Variants in NEO1 observed in about 807,000 individuals in gnomAD.
NEO1 encodes the protein neogenin.
NEO1 carries 63 observed loss-of-function variants against 159.7 expected under a neutral mutation model. The observed-to-expected ratio is 0.39, with a 90% confidence interval of 0.32 to 0.49. The LOEUF (loss-of-function observed/expected upper bound fraction) is 0.49, where lower values mean the gene tolerates loss of function less well. NEO1 is among the 20% of genes least tolerant of loss of function. The pLI is 0.85. For missense variants in NEO1, 1,615 were observed against 1,831.0 expected, an observed-to-expected ratio of 0.88 and a Z score of 2.15; for synonymous variants, 633 against 662.0, an observed-to-expected ratio of 0.96 and a Z score of 0.67.
chr15:73,264,726 C>G (rs2040804217), intron 15 of NEO1, among the ~76,000 whole-genome samples: 1 of 152,128 alleles, frequency 6.6e-6, no homozygotes, highest in African/African-American at 2.4e-5. Context: ...ATATAAACAT[C>G]TGCCTACTGG....
intron 7 of NEO1, among the ~76,000 whole-genome samples, chr15:73,234,113 G>A (rs2039052918): frequency 6.6e-6 from 1 of 152,214 alleles, no homozygotes; most frequent in Admixed American, 6.5e-5. Flanking sequence ...AGTTTGGTGA[G>A]TTGGGTCAGA....
At chr15:73,249,411 T>C (rs1020843025) in intron 10 of NEO1, among the ~76,000 whole-genome samples, 172 bp from the exon 11 acceptor site, 3 of 152,228 alleles carry the variant, frequency 2.0e-5, no homozygotes, top group Non-Finnish European at 4.4e-5. Flanking sequence ...AAGCAGTATT[T>C]CTAAGTAAAT....
At chr15:73,221,531 G>A (rs951951380) in intron 7 of NEO1, among the ~76,000 whole-genome samples, 22 of 152,108 alleles carry the variant, frequency 1.4e-4, no homozygotes, top group African/African-American at 5.1e-4. Context: ...TGCCCCCAGA[G>A]GTGGAGCCTA....
intron 27 of NEO1, among the ~76,000 whole-genome samples, chr15:73,298,870 G>A (rs1644390088): frequency 6.6e-6 from 1 of 152,148 alleles, no homozygotes; most frequent in Admixed American, 6.5e-5. Flanking sequence ...TGTTTTATGT[G>A]CAGCACCTTT....
intron 1 of NEO1, among the ~76,000 whole-genome samples, chr15:73,111,951 G>A (rs1378059714): frequency 6.6e-6 from 1 of 152,062 alleles, no homozygotes; most frequent in Non-Finnish European, 1.5e-5. Context: ...GTATTTATAA[G>A]TGGATTATAC....
At chr15:73,076,932 T>C (rs1025965855) in intron 1 of NEO1, among the ~76,000 whole-genome samples, 4 of 152,228 alleles carry the variant, frequency 2.6e-5, no homozygotes, top group Non-Finnish European at 4.4e-5. Context: ...TAAGGCACTT[T>C]CTGTGGAAGA....
At chr15:73,275,040 G>T (rs534046330) in intron 21 of NEO1, among the ~76,000 whole-genome samples, 1 of 152,268 alleles carries the variant, frequency 6.6e-6, no homozygotes, top group Non-Finnish European at 1.5e-5. Flanking sequence ...AAGCATTTAA[G>T]TCATGATTAG....
At chr15:73,176,646 A>T in intron 6 of NEO1, 89 bp downstream of exon 6, 1 of 976,892 alleles carries the variant, frequency 1.0e-6, no homozygotes, top group Non-Finnish European at 1.5e-6. Context: ...TCTTATATAT[A>T]CTAGTTTGTG....
At chr15:73,174,620 T>C (rs1198518780) in intron 5 of NEO1, among the ~76,000 whole-genome samples, 1 of 152,166 alleles carries the variant, frequency 6.6e-6, no homozygotes, top group African/African-American at 2.4e-5. Flanking sequence ...TCACTCTGCT[T>C]TGCTGTGCAA....
intron 5 of NEO1, among the ~76,000 whole-genome samples, chr15:73,147,919 T>G (rs1375686126): frequency 6.6e-6 from 1 of 152,056 alleles, no homozygotes; most frequent in Non-Finnish European, 1.5e-5. Context: ...GTTCAAGTGA[T>G]TCTCCTGCCT....
chr15:73,071,068 C>G (rs1047778766), intron 1 of NEO1, among the ~76,000 whole-genome samples: 1 of 151,818 alleles, frequency 6.6e-6, no homozygotes, highest in Non-Finnish European at 1.5e-5. Flanking sequence ...GGGCTCAAGC[C>G]TCCTGAGTAG....
intron 1 of NEO1, among the ~76,000 whole-genome samples, chr15:73,067,616 ATTT>A (rs754677748): frequency 3.2e-5 from 3 of 92,718 alleles, no homozygotes; most frequent in African/African-American, 4.1e-5. Flanking sequence ...CGCCCAGCTA[ATTT>A]TTTTTTTTTT....
At chr15:73,126,019 A>G (rs943256236) in intron 3 of NEO1, among the ~76,000 whole-genome samples, 1 of 152,200 alleles carries the variant, frequency 6.6e-6, no homozygotes, top group African/African-American at 2.4e-5. Flanking sequence ...TTGATTGACA[A>G]GTACGTACCC....
At chr15:73,121,363 T>A (rs1443828545) in intron 2 of NEO1, among the ~76,000 whole-genome samples, 1 of 152,180 alleles carries the variant, frequency 6.6e-6, no homozygotes, top group Non-Finnish European at 1.5e-5. Flanking sequence ...AGATTCAGAT[T>A]CCTCATTTTT....
At chr15:73,264,079 C>T (rs1225356587) in intron 15 of NEO1, among the ~76,000 whole-genome samples, 4 of 151,808 alleles carry the variant, frequency 2.6e-5, no homozygotes, top group East Asian at 1.9e-4. Flanking sequence ...CCCAGCTACT[C>T]GGGAGGCTGA....
rs1266415752 is a variant in NEO1, at chr15:73,122,524, G to A, written c.449-1G>A. ...ATTTCTTCTCTTCCTTTATTGTCCA[G>A]GTCTTCCAAGATTTACCAGCCAACC... On this transcript the variant is annotated splice_acceptor_variant, in intron 2 of 28. Transcript: ENST00000261908. LOFTEE classifies it high-confidence loss of function. The A allele has an allele frequency of 6.2e-7, 1 of 1,613,010 alleles. No homozygotes were observed. The highest frequency in any genetic ancestry group is 1.3e-5 in the African/African-American group (1 of 74,826).
At chr15:73,296,715 C>T (rs2042386725) in intron 26 of NEO1, among the ~76,000 whole-genome samples, 2 of 152,102 alleles carry the variant, frequency 1.3e-5, no homozygotes, top group South Asian at 2.1e-4. Flanking sequence ...GTACTGAACC[C>T]TTTATATCTG....
intron 1 of NEO1, among the ~76,000 whole-genome samples, chr15:73,053,845 A>G (rs763116841): frequency 3.3e-5 from 5 of 152,270 alleles, no homozygotes. Context: ...ATTTGAAAGC[A>G]GTCTTACCGC....
intron 1 of NEO1, among the ~76,000 whole-genome samples, chr15:73,067,832 G>A (rs148479833): frequency 1.7e-4 from 26 of 152,120 alleles, no homozygotes; most frequent in Non-Finnish European, 2.5e-4. Context: ...TAGCTAGGAT[G>A]GTCTCGATCT....
Sources: allele counts gnomAD v4.1 joint callset (sites outside exome capture counted in the v4.1 genomes callset), GRCh38; gene constraint gnomAD v4.1.1; transcripts MANE v1.5; gene names NCBI Gene and HGNC (gene_info 2026-07-23, HGNC 2026-07-21).